Variants in PRKDC observed in about 807,000 individuals in gnomAD.
The protein encoded by PRKDC is protein kinase, DNA-activated, catalytic subunit, also known as DNA-dependent protein kinase catalytic subunit.
PRKDC carries 82 observed loss-of-function variants against 486.9 expected under a neutral mutation model. The observed-to-expected ratio is 0.17, with a 90% CI of 0.14 to 0.20. The LOEUF is 0.20. PRKDC is among the 10% of genes least tolerant of loss of function. The pLI is 1.00. For missense variants in PRKDC, 4,504 were observed against 5,038.2 expected, an observed-to-expected ratio of 0.89 and a Z score of 3.21; for synonymous variants, 1,895 against 1,837.0, an observed-to-expected ratio of 1.03 and a Z score of -0.81.
In PRKDC at chr8:47,929,960, A is replaced by G. The variant is rs55811715; in HGVS notation, c.1945T>C (p.Phe649Leu). Residue 649 changes from phenylalanine (F) to leucine (L), a missense_variant, in exon 18 of 86, where the codon TTT becomes CTT. By Grantham distance (22) the Phe-to-Leu change is conservative. Transcript: ENST00000314191. Reference protein sequence around the residue: ...AEFFEPWVYSFSYELILQSTR... With the variant: ...AEFFEPWVYSLSYELILQSTR... ...GATTGCAAAATTAATTCATATGAAA[A>G]TGAGTACACCCATGGTTCAAAAAAT... 133 of 1,610,966 alleles carry G rather than the reference A, an allele frequency of 8.3e-5. No homozygotes were observed. Among genetic ancestry groups the G allele is most frequent in the Non-Finnish European group, 1.1e-4 (124 of 1,178,968 alleles).
intron 40 of PRKDC, among the ~76,000 whole-genome samples, chr8:47,869,034 C>A (rs1298658553): frequency 6.6e-6 from 1 of 152,140 alleles, no homozygotes; most frequent in Non-Finnish European, 1.5e-5. Flanking sequence ...TACATTCTGG[C>A]AAGCCCTGCC....
intron 1 of PRKDC, among the ~76,000 whole-genome samples, chr8:47,957,686 T>TGTGTGTG: frequency 6.6e-6 from 1 of 152,088 alleles, no homozygotes; most frequent in Admixed American, 6.5e-5. Flanking sequence ...AATTTTTTTT[T>TGTGTGTG]TGTATTTTTA....
At chr8:47,856,968 A>G (rs2088555648) in intron 49 of PRKDC, among the ~76,000 whole-genome samples, 188 bp downstream of exon 49, 1 of 152,248 alleles carries the variant, frequency 6.6e-6, no homozygotes, top group African/African-American at 2.4e-5. Context: ...GAATTACCAA[A>G]GGCAAAGGAA....
At position 47,774,212 on chromosome 8, in the gene PRKDC, G is replaced by T. The variant is rs1468004327; in HGVS notation, c.12348C>A (p.Ile4116=). ...CCCATCCTTCCCAGGTTCTGCCAAG[G>T]ATGTTGGGGTCTGTTGCCTGGTCCA... ...CLMDQATDPN[I]LGRTWEGWEP... Residue 4116 remains isoleucine, a synonymous_variant, in exon 86 of 86, where the codon ATC becomes ATA. Transcript: ENST00000314191. 6.3e-7 allele frequency: 1 copy of T among 1,594,628 alleles called. No individual in the cohort carries two copies.
chr8:47,933,283 A>T, intron 15 of PRKDC, 111 bp from the exon 16 acceptor site: 1 of 889,288 alleles, frequency 1.1e-6, no homozygotes, highest in Non-Finnish European at 1.6e-6. Context: ...GGTATTATGG[A>T]AACAGTGATG....
At chr8:47,933,222 T>G in intron 15 of PRKDC, 50 bp from the exon 16 acceptor site, 1 of 1,375,626 alleles carries the variant, frequency 7.3e-7, no homozygotes, top group Non-Finnish European at 9.7e-7. Flanking sequence ...CAAAAATGTA[T>G]TAGTATTTTA....
At chr8:47,788,168 G>A (rs8178234) in intron 76 of PRKDC, among the ~76,000 whole-genome samples, 305 of 152,360 alleles carry the variant, frequency 2.0e-3, no homozygotes, top group South Asian at 6.6e-3. Context: ...AGCTGTTTTA[G>A]GTGAGAGAGG....
chr8:47,892,299 A>C (rs1341119371), intron 31 of PRKDC, among the ~76,000 whole-genome samples: 1 of 152,236 alleles, frequency 6.6e-6, no homozygotes, highest in Non-Finnish European at 1.5e-5. Flanking sequence ...TAAAAAATGT[A>C]ATGTGCACTA....
chr8:47,881,616 G>T, intron 37 of PRKDC, 96 bp from the exon 38 acceptor site: 1 of 700,086 alleles, frequency 1.4e-6, no homozygotes. Context: ...GAAATGAATT[G>T]TTAATTTAAT....
In PRKDC at chr8:47,879,615, C is replaced by G; in HGVS notation, c.5111G>C (p.Gly1704Ala). 4 of 1,591,486 alleles carry G rather than the reference C, an allele frequency of 2.5e-6. No individual in the cohort carries two copies. Among genetic ancestry groups the G allele is most frequent in the Non-Finnish European group, 3.4e-6 (4 of 1,169,970 alleles). The stretch of plus-strand genomic sequence containing the variant: ...ACGTCTAAGTTCCTCCAGACTGCCT[C>G]CAGTGAGGCTGGTGAAGAATGGAAG... ...TLLPFFTSLT[G>A]GSLEELRRVL... Residue 1704 changes from glycine (G) to alanine (A), a missense_variant, in exon 39 of 86, where the codon GGA becomes GCA. Gly to Ala is a moderately conservative substitution (Grantham distance 60). Transcript: ENST00000314191.
intron 25 of PRKDC, among the ~76,000 whole-genome samples, chr8:47,911,081 A>G (rs2089892981): frequency 6.6e-6 from 1 of 152,072 alleles, no homozygotes; most frequent in South Asian, 2.1e-4. Flanking sequence ...TCCTTCTATG[A>G]TTTTCTTATC....
At chr8:47,811,759 C>G (rs2087330369) in intron 68 of PRKDC, among the ~76,000 whole-genome samples, 1 of 152,086 alleles carries the variant, frequency 6.6e-6, no homozygotes, top group Admixed American at 6.6e-5. Flanking sequence ...GGTGGATCAC[C>G]TAAGGTCAGG....
In PRKDC at chr8:47,792,642, C is replaced by G. The variant is rs192120180; in HGVS notation, c.10670+1648G>C. On this transcript the variant is annotated intron_variant, in intron 74 of 85. Coordinates refer to ENST00000314191, the MANE Select transcript of PRKDC (RefSeq NM_006904.7). The stretch of plus-strand genomic sequence containing the variant: ...TTTATAACACAAAGAAATGATAAAT[C>G]CTTGAAGTGATGGATACTCCACTTA... 4.0e-3 allele frequency among the ~76,000 whole-genome samples: 607 copies of G among 152,056 alleles called. 4 individuals carry two copies. Among genetic ancestry groups the G allele is most frequent in the South Asian group, 0.025 (120 of 4,792 alleles).
intron 1 of PRKDC, chr8:47,959,220 GC>G (rs760702969): frequency 1.3e-5 from 2 of 152,132 alleles, no homozygotes; most frequent in East Asian, 3.8e-4. Context: ...CTAAAAAGAG[GC>G]ACTTTTACTA....
chr8:47,897,736 C>G (rs138134858), intron 29 of PRKDC, among the ~76,000 whole-genome samples: 18 of 152,280 alleles, frequency 1.2e-4, no homozygotes, highest in African/African-American at 4.3e-4. Context: ...AACTAGATCT[C>G]CAGGCAATTC....
In PRKDC at chr8:47,774,470, C is replaced by G. The variant is rs72646391; in HGVS notation, c.12183-93G>C. On this transcript the variant is annotated intron_variant, in intron 85 of 85. Coordinates refer to ENST00000314191, the MANE Select transcript of PRKDC (RefSeq NM_006904.7). Reference sequence around the variant, plus strand: ...TGATCCTATCCAAACACATTCCCCACGTCATCACTCACAGAGTATTTTCTG... The same window carrying G: ...TGATCCTATCCAAACACATTCCCCAGGTCATCACTCACAGAGTATTTTCTG... 35,756 of 1,161,372 alleles carry G rather than the reference C, an allele frequency of 0.031. 665 individuals carry two copies. The highest frequency in any genetic ancestry group is 0.037 in the Non-Finnish European group (30,424 of 819,890). The allele number at this position is 1,161,372 out of a possible 1,614,324, so 71.9% of individuals were successfully genotyped here.
chr8:47,798,319 T>C lies in PRKDC; in HGVS notation c.10376A>G (p.Asn3459Ser), dbSNP rs8178228. Residue 3459 changes from asparagine (N) to serine (S), a missense_variant, in exon 73 of 86, where the codon AAT (asparagine) becomes AGT (serine). Asn to Ser is a conservative substitution (Grantham distance 46). Transcript: ENST00000314191. ...TCTAGGAAACTTCAATCTGGCTTCA[T>C]TGGAATTTAATTTTAAAGCTTTCAA... ...KMLKALKLNS[N>S]EARLKFPRLL... 3,053 of 1,613,610 alleles carry C rather than the reference T, an allele frequency of 1.9e-3. 56 individuals carry two copies. In the African/African-American group the frequency reaches 0.034, roughly 18 times the overall value.
intron 85 of PRKDC, among the ~76,000 whole-genome samples, chr8:47,775,909 G>A (rs905050951): frequency 2.0e-5 from 3 of 147,224 alleles, no homozygotes; most frequent in Non-Finnish European, 3.0e-5. Context: ...TGCAACCTCC[G>A]CCTCCCCAGG....
Position 47,794,383 on chromosome 8 carries a change from G to A in PRKDC, c.10577C>T (p.Pro3526Leu), listed in dbSNP as rs1452690515. The change falls in exon 74 of 86, where the codon CCG becomes CTG. Residue 3526 changes from proline (P) to leucine (L), a missense_variant. Pro to Leu is a moderately conservative substitution (Grantham distance 98). This residue lies in a region of PRKDC where 706 missense variants were observed against 945.0 expected (regional missense o/e 0.75). Transcript: ENST00000314191. The stretch of plus-strand genomic sequence containing the variant: ...GATGAAGGGATAAACAATAGCCTGC[G>A]GGTAGTTATCAGTGATTTCTTCCAC... ...HSVEEITDNY[P>L]QAIVYPFIIS... 1.9e-6 allele frequency: 3 copies of A among 1,613,808 alleles called. No homozygotes were observed. The highest frequency in any genetic ancestry group is 1.7e-6 in the Non-Finnish European group (2 of 1,179,786).
Sources: gnomAD v4.1 joint callset for allele counts (sites outside exome capture counted in the v4.1 genomes callset) on GRCh38, gnomAD v4.1.1 for gene constraint, gnomAD v4.1.1 regional missense constraint, MANE v1.5 for transcripts, NCBI Gene and HGNC (gene_info 2026-07-23, HGNC 2026-07-21) for gene names.